The following GRID2 variants were observed in gnomAD, a reference collection of about 807,000 sequenced individuals.
GRID2 encodes the protein glutamate ionotropic receptor delta type subunit 2, also known as glutamate receptor ionotropic, delta-2.
A neutral mutation model predicts 114.8 loss-of-function variants in GRID2; 33 were observed. The observed-to-expected ratio is 0.29, with a 90% confidence interval of 0.22 to 0.38. The LOEUF is 0.38. GRID2 is among the 10% of genes least tolerant of loss of function. The probability of loss-of-function intolerance (pLI) is 1.00; values close to 1 mark genes in which losing one functional copy is unlikely to be tolerated. For missense variants in GRID2, 1,184 were observed against 1,257.7 expected (o/e 0.94, Z 0.89); for synonymous variants, 505 against 449.9 (o/e 1.12, Z -1.55).
intron 13 of GRID2, among the ~76,000 whole-genome samples, chr4:93,517,458 A>T (rs1729847534): frequency 6.6e-6 from 1 of 152,072 alleles, no homozygotes; most frequent in Non-Finnish European, 1.5e-5. Context: ...GCTAGTGAAA[A>T]TGCTCTTCTG....
chr4:93,033,917 G>A (rs1724674925), intron 2 of GRID2, among the ~76,000 whole-genome samples: 1 of 152,044 alleles, frequency 6.6e-6, no homozygotes, highest in South Asian at 2.1e-4. Flanking sequence ...ATCTTACTTT[G>A]ACTGACATTG....
chr4:93,010,851 G>A (rs909470365), intron 2 of GRID2, among the ~76,000 whole-genome samples: 1 of 151,958 alleles, frequency 6.6e-6, no homozygotes, highest in Non-Finnish European at 1.5e-5. Flanking sequence ...AATTTTTTCT[G>A]TTGTGTTGTT....
At chr4:92,692,101 C>T (rs1734210202) in intron 2 of GRID2, among the ~76,000 whole-genome samples, 1 of 152,038 alleles carries the variant, frequency 6.6e-6, no homozygotes, top group Non-Finnish European at 1.5e-5. Flanking sequence ...AGCCCCCTAC[C>T]AACATTTTTG....
chr4:93,354,462 G>A (rs1441312279), intron 8 of GRID2, among the ~76,000 whole-genome samples: 2 of 151,848 alleles, frequency 1.3e-5, no homozygotes, highest in African/African-American at 2.4e-5. Context: ...ATTTTTTTGA[G>A]GGAAAGAATC....
chr4:92,385,835 A>C (rs1015372771), intron 1 of GRID2, among the ~76,000 whole-genome samples: 1 of 150,652 alleles, frequency 6.6e-6, no homozygotes, highest in Non-Finnish European at 1.5e-5. Context: ...AATATAGAAA[A>C]AATATTTAAC....
intron 2 of GRID2, among the ~76,000 whole-genome samples, chr4:92,725,927 TGAA>T (rs1736048023): frequency 6.6e-6 from 1 of 152,060 alleles, no homozygotes; most frequent in Non-Finnish European, 1.5e-5. Flanking sequence ...AAGCACAAAA[TGAA>T]GAATAAATTG....
intron 2 of GRID2, among the ~76,000 whole-genome samples, chr4:92,842,781 A>G (rs1390723048): frequency 6.6e-6 from 1 of 152,136 alleles, no homozygotes; most frequent in Non-Finnish European, 1.5e-5. Context: ...CCTAATCTTT[A>G]CTTGGAAGAA....
At chr4:93,068,374 G>T (rs959278672) in intron 2 of GRID2, among the ~76,000 whole-genome samples, 1 of 152,016 alleles carries the variant, frequency 6.6e-6, no homozygotes, top group Non-Finnish European at 1.5e-5. Context: ...TTGTGGGGGT[G>T]AAAGGAGATT....
intron 2 of GRID2, among the ~76,000 whole-genome samples, chr4:93,076,640 CAG>C (rs1396186102): frequency 9.5e-5 from 11 of 115,786 alleles, no homozygotes; most frequent in African/African-American, 3.4e-4. Flanking sequence ...TTTTTAATGA[CAG>C]AGTCTCTCTC....
intron 13 of GRID2, among the ~76,000 whole-genome samples, chr4:93,531,262 A>C (rs1731417454): frequency 6.6e-6 from 1 of 152,196 alleles, no homozygotes; most frequent in African/African-American, 2.4e-5. Context: ...CAGAATAATC[A>C]GATGGGATCA....
At chr4:92,652,818 T>A in intron 2 of GRID2, among the ~76,000 whole-genome samples, 1 of 136,600 alleles carries the variant, frequency 7.3e-6, no homozygotes, top group African/African-American at 2.7e-5. Flanking sequence ...TATATATATA[T>A]ATATAAATAT....
chr4:93,494,474 T>A (rs1727330311), intron 12 of GRID2, among the ~76,000 whole-genome samples: 1 of 151,836 alleles, frequency 6.6e-6, no homozygotes, highest in Admixed American at 6.6e-5. Context: ...GGAAGCTGAA[T>A]AATTTCATAA....
At chr4:93,538,455 T>G (rs2149523946) in intron 13 of GRID2, among the ~76,000 whole-genome samples, 1 of 151,930 alleles carries the variant, frequency 6.6e-6, no homozygotes. Context: ...TTTTAAATAA[T>G]ACGTGTAGAT....
chr4:92,915,961 G>T (rs1560696449), intron 2 of GRID2, among the ~76,000 whole-genome samples: 2 of 151,946 alleles, frequency 1.3e-5, no homozygotes, highest in East Asian at 3.9e-4. Flanking sequence ...ATAGATGCTG[G>T]ATATTAGACC....
intron 2 of GRID2, among the ~76,000 whole-genome samples, chr4:92,665,421 A>G (rs887190065): frequency 6.6e-6 from 1 of 151,336 alleles, no homozygotes; most frequent in Non-Finnish European, 1.5e-5. Flanking sequence ...TTCCTAAAGC[A>G]TTAGTACCTT....
In GRID2 at chr4:93,515,277, G is replaced by A; in HGVS notation, c.2059G>A (p.Val687Ile). ...IPYGTVLDSA[V>I]YEHVRMKGLN... ...TTATGGCACAGTCCTAGACTCTGCG[G>A]TATATGAGCATGTCCGCATGAAAGG... Residue 687 changes from valine (V) to isoleucine (I), a missense_variant, in exon 13 of 16, where the codon GTA becomes ATA. Coordinates refer to ENST00000282020, the MANE Select transcript of GRID2 (RefSeq NM_001510.4). The A allele has an allele frequency of 1.9e-6, 3 of 1,610,452 alleles. No individual in the cohort carries two copies. Among genetic ancestry groups the A allele is most frequent in the Non-Finnish European group, 2.5e-6 (3 of 1,176,950 alleles).
At chr4:93,255,288 T>A (rs1749444427) in intron 8 of GRID2, among the ~76,000 whole-genome samples, 1 of 152,094 alleles carries the variant, frequency 6.6e-6, no homozygotes, top group South Asian at 2.1e-4. Flanking sequence ...AGTGCCTAAG[T>A]TTTGTGGGTT....
At chr4:92,729,978 TATA>T (rs1384990102) in intron 2 of GRID2, among the ~76,000 whole-genome samples, 1 of 151,902 alleles carries the variant, frequency 6.6e-6, no homozygotes, top group East Asian at 1.9e-4. Flanking sequence ...AATGTAGAAA[TATA>T]ATGAGGAATT....
At chr4:92,337,443 A>G (rs1418065953) in intron 1 of GRID2, among the ~76,000 whole-genome samples, 1 of 152,142 alleles carries the variant, frequency 6.6e-6, no homozygotes, top group Non-Finnish European at 1.5e-5. Context: ...TGCCCAGAAG[A>G]AAAGTGAACT....
Sources: gnomAD v4.1 joint callset for allele counts (sites outside exome capture counted in the v4.1 genomes callset) on GRCh38, gnomAD v4.1.1 for gene constraint, MANE v1.5 for transcripts, NCBI Gene and HGNC (gene_info 2026-07-23, HGNC 2026-07-21) for gene names.